GREB1L: variants seen among roughly 807,000 people sequenced by gnomAD.
GREB1L encodes GREB1-like protein.
GREB1L carries 17 observed loss-of-function variants against 200.8 expected under a neutral mutation model. That is an observed-to-expected ratio of 0.08 (90% CI 0.06 to 0.13). GREB1L has a LOEUF of 0.13. GREB1L is among the 10% of genes least tolerant of loss of function. The pLI, the probability that GREB1L is intolerant of heterozygous loss-of-function variation, is 1.00. For synonymous variants in GREB1L, 789 were observed against 893.0 expected (o/e 0.88, Z 2.08); for missense variants, 1,657 against 2,367.7 (o/e 0.70, Z 6.23).
chr18:21,508,555 C>A lies in GREB1L; in HGVS notation c.4699C>A (p.Leu1567Met). The change falls in exon 27 of 33, where the codon CTG becomes ATG. Residue 1567 changes from leucine (L) to methionine (M), a missense_variant. Transcript: ENST00000424526. The part of the protein sequence containing the change: ...YRKYWPNHIM[L>M]VLPGMFNNAG... ...CAAGTACTGGCCCAACCACATCATG[C>A]TGGTGCTTCCCGGCATGTTCAATAA... The A allele has an allele frequency of 1.3e-6, 2 of 1,551,820 alleles. No homozygotes were observed. The highest frequency in any genetic ancestry group is 1.7e-6 in the Non-Finnish European group (2 of 1,147,060).
chr18:21,430,788 G>A (rs1200431193), intron 7 of GREB1L, among the ~76,000 whole-genome samples: 1 of 150,208 alleles, frequency 6.7e-6, no homozygotes, highest in Admixed American at 6.6e-5. Context: ...TAGAGACGGG[G>A]TTTCTCCATG....
At chr18:21,299,138 C>T (rs1869728349) in intron 1 of GREB1L, among the ~76,000 whole-genome samples, 1 of 150,354 alleles carries the variant, frequency 6.7e-6, no homozygotes, top group Non-Finnish European at 1.5e-5. Context: ...ATTAGCCAGG[C>T]ATGGTGGCAG....
chr18:21,507,212 C>A (rs2037051153), intron 25 of GREB1L, among the ~76,000 whole-genome samples: 1 of 152,156 alleles, frequency 6.6e-6, no homozygotes, highest in Admixed American at 6.6e-5. Context: ...AGACCCAAGT[C>A]CCCTGGTCTA....
At chr18:21,265,585 A>C (rs532882242) in intron 1 of GREB1L, among the ~76,000 whole-genome samples, 1 of 152,326 alleles carries the variant, frequency 6.6e-6, no homozygotes, top group East Asian at 1.9e-4. Context: ...TTTGGGGCAC[A>C]TATCAAACCT....
chr18:21,338,235 A>G (rs1484394011), intron 1 of GREB1L, among the ~76,000 whole-genome samples: 1 of 152,194 alleles, frequency 6.6e-6, no homozygotes, highest in African/African-American at 2.4e-5. Context: ...CTGACTCATG[A>G]ATCTCTGAGA....
chr18:21,339,253 G>A (rs1473292258), intron 1 of GREB1L, among the ~76,000 whole-genome samples: 2 of 152,084 alleles, frequency 1.3e-5, no homozygotes, highest in South Asian at 2.1e-4. Flanking sequence ...GAGTCAGAAT[G>A]TATTTGATTG....
chr18:21,357,489 A>G (rs1207468550), intron 1 of GREB1L, among the ~76,000 whole-genome samples: 2 of 152,180 alleles, frequency 1.3e-5, no homozygotes, highest in East Asian at 1.9e-4. Context: ...AATTTGATGC[A>G]ATCTCATTTG....
chr18:21,485,702 T>C lies in GREB1L; in HGVS notation c.2639T>C (p.Leu880Pro). 3.2e-6 allele frequency: 5 copies of C among 1,551,614 alleles called. No individual in the cohort carries two copies. Among genetic ancestry groups the C allele is most frequent in the Non-Finnish European group, 4.4e-6 (5 of 1,146,936 alleles). Reference sequence around the variant, plus strand: ...CTGCAGTGGGGGATCACGAGCCCACTTCTGAGATGTGACGAGACTTTTGAA... The same window carrying C: ...CTGCAGTGGGGGATCACGAGCCCACCTCTGAGATGTGACGAGACTTTTGAA... Reference protein sequence around the residue: ...KSLQWGITSPLLRCDETFEKM... With the variant: ...KSLQWGITSPPLRCDETFEKM... Residue 880 changes from leucine (L) to proline (P), a missense_variant, in exon 18 of 33, where the codon CTT (leucine) becomes CCT (proline). Physicochemically the swap from Leu to Pro is moderately conservative, Grantham distance 98. Around this residue, in one of 9 missense-constraint regions of GREB1L, gnomAD observed 82 missense variants for 95.9 expected, o/e 0.85. Transcript: ENST00000424526.
chr18:21,341,952 G>A (rs1177284586), intron 1 of GREB1L, among the ~76,000 whole-genome samples: 1 of 152,066 alleles, frequency 6.6e-6, no homozygotes, highest in Admixed American at 6.6e-5. Flanking sequence ...GTGGTGAGGG[G>A]CCATTGTTAT....
At chr18:21,422,240 T>G (rs573811547) in intron 7 of GREB1L, among the ~76,000 whole-genome samples, 1 of 152,336 alleles carries the variant, frequency 6.6e-6, no homozygotes, top group South Asian at 2.1e-4. Context: ...CAAATTCGTG[T>G]CTGAGCAAGG....
At chr18:21,489,123 C>T (rs1432184992) in intron 18 of GREB1L, among the ~76,000 whole-genome samples, 1 of 152,122 alleles carries the variant, frequency 6.6e-6, no homozygotes, top group Non-Finnish European at 1.5e-5. Flanking sequence ...CTGGCTGAGG[C>T]GTAGCACCAA....
chr18:21,303,998 G>A (rs942221664), intron 1 of GREB1L, among the ~76,000 whole-genome samples: 1 of 152,144 alleles, frequency 6.6e-6, no homozygotes, highest in Admixed American at 6.5e-5. Flanking sequence ...ATAGCAAAAA[G>A]CATTAATGCA....
Position 21,467,747 on chromosome 18 carries a change from G to A in GREB1L, c.2183-5284G>A, listed in dbSNP as rs140235961. Among the ~76,000 whole-genome samples the A allele has an allele frequency of 8.1e-3, 1,227 of 152,178 alleles. 15 individuals are homozygous for A. The highest frequency in any genetic ancestry group is 0.028 in the African/African-American group (1,152 of 41,516). On this transcript the variant is annotated intron_variant, in intron 15 of 32. Coordinates refer to ENST00000424526, the MANE Select transcript of GREB1L (RefSeq NM_001142966.3). Reference sequence around the variant, plus strand: ...TCCACTCCAAGATATGAAATGAGCCGGGCGCAGTGGCTCACACCTGTAATC... The same window carrying A: ...TCCACTCCAAGATATGAAATGAGCCAGGCGCAGTGGCTCACACCTGTAATC...
At chr18:21,336,843 G>T (rs1265293141) in intron 1 of GREB1L, among the ~76,000 whole-genome samples, 1 of 152,132 alleles carries the variant, frequency 6.6e-6, no homozygotes, top group African/African-American at 2.4e-5. Flanking sequence ...GACTCCCTGT[G>T]CATCTTTCTA....
intron 5 of GREB1L, among the ~76,000 whole-genome samples, chr18:21,400,898 T>C (rs2041289354): frequency 6.6e-6 from 1 of 152,264 alleles, no homozygotes; most frequent in Non-Finnish European, 1.5e-5. Flanking sequence ...TTATCTACTC[T>C]ATTTCCTTAA....
At chr18:21,414,814 AGAGACTG>A (rs1439778570) in intron 7 of GREB1L, among the ~76,000 whole-genome samples, 1 of 152,212 alleles carries the variant, frequency 6.6e-6, no homozygotes, top group Admixed American at 6.5e-5. Flanking sequence ...AATGGAGAAA[AGAGACTG>A]GATTTACCCT....
At chr18:21,250,016 CA>C (rs1235512690) in intron 1 of GREB1L, among the ~76,000 whole-genome samples, 1 of 152,012 alleles carries the variant, frequency 6.6e-6, no homozygotes, top group Non-Finnish European at 1.5e-5. Flanking sequence ...CTGGAGGTTG[CA>C]ATTTTCTACG....
At chr18:21,406,738 A>G (rs902573697) in intron 7 of GREB1L, among the ~76,000 whole-genome samples, 19 of 152,180 alleles carry the variant, frequency 1.2e-4, no homozygotes, top group African/African-American at 4.6e-4. Context: ...GGGTACACAC[A>G]TTGTATGGTA....
At chr18:21,448,630 C>A (rs2034361793) in intron 11 of GREB1L, among the ~76,000 whole-genome samples, 1 of 152,144 alleles carries the variant, frequency 6.6e-6, no homozygotes, top group African/African-American at 2.4e-5. Flanking sequence ...TTATGGGAGC[C>A]TGAGTTTCAA....
Sources: allele counts gnomAD v4.1 joint callset (sites outside exome capture counted in the v4.1 genomes callset), GRCh38; gene constraint gnomAD v4.1.1; regional missense constraint gnomAD v4.1.1; transcripts MANE v1.5; gene names NCBI Gene and HGNC (gene_info 2026-07-23, HGNC 2026-07-21).